VAV2: variants seen among roughly 807,000 people sequenced by gnomAD.
VAV2 encodes vav guanine nucleotide exchange factor 2.
VAV2 carries 67 observed loss-of-function variants against 132.5 expected under a neutral mutation model. The ratio of observed to expected loss-of-function variants is 0.51; its 90% confidence interval spans 0.42 to 0.62. The LOEUF (loss-of-function observed/expected upper bound fraction) is 0.62, where lower values mean the gene tolerates loss of function less well. VAV2 is among the 20% of genes least tolerant of loss of function. The probability of loss-of-function intolerance (pLI) is 0.00; values close to 1 mark genes in which losing one functional copy is unlikely to be tolerated. For missense variants in VAV2, 938 were observed against 1,153.6 expected (o/e 0.81, Z 2.71); for synonymous variants, 492 against 443.5 (o/e 1.11, Z -1.37).
At chr9:133,940,340 C>A (rs1222985778) in intron 1 of VAV2, among the ~76,000 whole-genome samples, 1 of 152,178 alleles carries the variant, frequency 6.6e-6, no homozygotes, top group Non-Finnish European at 1.5e-5. Flanking sequence ...AATAACCGTC[C>A]CCTATGGACA....
At chr9:133,818,160 C>G (rs534550821) in intron 4 of VAV2, among the ~76,000 whole-genome samples, 12 of 152,036 alleles carry the variant, frequency 7.9e-5, no homozygotes, top group Non-Finnish European at 1.5e-4. Flanking sequence ...GTCAGGAGAT[C>G]GAGACCATCC....
At chr9:133,984,907 CA>C (rs35866348) in intron 1 of VAV2, among the ~76,000 whole-genome samples, 8,079 of 128,620 alleles carry the variant, frequency 0.063, 260 homozygotes, top group African/African-American at 0.11. Flanking sequence ...GGCCCTATCT[CA>C]AAAAAAAAAA....
At chr9:133,943,240 A>G (rs1232463807) in intron 1 of VAV2, among the ~76,000 whole-genome samples, 2 of 152,182 alleles carry the variant, frequency 1.3e-5, no homozygotes, top group Non-Finnish European at 2.9e-5. Context: ...CAGAGCCTCA[A>G]GGTCCAGGTT....
intron 12 of VAV2, among the ~76,000 whole-genome samples, chr9:133,792,683 C>CCCCCCA (rs1554774414): frequency 1.6e-5 from 2 of 127,872 alleles, no homozygotes; most frequent in Admixed American, 7.9e-5. Context: ...AAGGGACCCC[C>CCCCCCA]CCCCCCACCC....
At chr9:133,877,755 C>T (rs1838317958) in intron 2 of VAV2, among the ~76,000 whole-genome samples, 1 of 152,172 alleles carries the variant, frequency 6.6e-6, no homozygotes, top group Non-Finnish European at 1.5e-5. Context: ...GATGGGTTTC[C>T]AGTGGCTTCA....
chr9:133,963,186 C>T lies in VAV2; in HGVS notation c.205-23967G>A, dbSNP rs997908570. 4.6e-4 allele frequency among the ~76,000 whole-genome samples: 70 copies of T among 152,178 alleles called. 1 individual carries two copies. The highest frequency in any genetic ancestry group is 1.8e-3 in the Admixed American group (27 of 15,272). On this transcript the variant is annotated intron_variant, in intron 1 of 29. Transcript: ENST00000371850. ...CGAAGCTACAAGAGCTTCCCCAGGA[C>T]CCAGCACCAGGAGGCTCTGTGAAGA...
chr9:133,797,840 C>T, intron 9 of VAV2, 31 bp from the exon 10 acceptor site: 1 of 1,605,496 alleles, frequency 6.2e-7, no homozygotes. Flanking sequence ...CACACACGCA[C>T]ACAGATTTAA....
chr9:133,905,004 T>C (rs1009672203), intron 2 of VAV2, among the ~76,000 whole-genome samples: 1 of 152,034 alleles, frequency 6.6e-6, no homozygotes, highest in African/African-American at 2.4e-5. Context: ...AGAGGGTGCA[T>C]CTTGTGGCTT....
chr9:133,923,480 AAGTC>A (rs1840365301), intron 2 of VAV2, among the ~76,000 whole-genome samples: 1 of 152,244 alleles, frequency 6.6e-6, no homozygotes, highest in Non-Finnish European at 1.5e-5. Context: ...GATCATTAAA[AAGTC>A]AGGAAACAAT....
chr9:133,869,232 C>A (rs1175740813), intron 2 of VAV2, among the ~76,000 whole-genome samples: 4 of 152,086 alleles, frequency 2.6e-5, no homozygotes, highest in Non-Finnish European at 2.9e-5. Context: ...AGGTGATCCG[C>A]CCACCTCGGC....
chr9:133,775,097 T>C, intron 24 of VAV2, 46 bp from the exon 25 acceptor site: 1 of 1,526,240 alleles, frequency 6.6e-7, no homozygotes, highest in Non-Finnish European at 8.9e-7. Context: ...GTGAGGACAG[T>C]GTCTGAGGGG....
At chr9:133,786,293 G>A (rs898291731) in intron 16 of VAV2, among the ~76,000 whole-genome samples, 2 of 152,190 alleles carry the variant, frequency 1.3e-5, no homozygotes, top group Non-Finnish European at 2.9e-5. Flanking sequence ...TGTCCCTGCA[G>A]GTACACACAT....
At chr9:133,929,076 G>C (rs964010849) in intron 2 of VAV2, among the ~76,000 whole-genome samples, 7 of 152,176 alleles carry the variant, frequency 4.6e-5, no homozygotes, top group Non-Finnish European at 1.0e-4. Flanking sequence ...CAAATCTTTA[G>C]ACCCATTTTA....
chr9:133,775,644 C>T (rs1833785703), intron 24 of VAV2, among the ~76,000 whole-genome samples: 1 of 152,236 alleles, frequency 6.6e-6, no homozygotes, highest in Non-Finnish European at 1.5e-5. Flanking sequence ...TCTGTGATTT[C>T]AAACAGCCTC....
rs1834311079 is a variant in VAV2, at chr9:133,788,243, C to CCCCCCCA, written c.1407+110_1407+111insTGGGGGG. On this transcript the variant is annotated intron_variant, in intron 15 of 29. Coordinates refer to ENST00000371850, the MANE Select transcript of VAV2 (RefSeq NM_001134398.2). The surrounding 1 kb of genome is among the most constrained non-coding windows in gnomAD (Gnocchi z 5.3). ...AGACGCCCACCCCAACCCACCCGGC[C>CCCCCCCA]AGCATCAGCGGCTGACTTCGAGTCC... 2.3e-6 allele frequency: 3 copies of CCCCCCCA among 1,310,484 alleles called. No homozygotes were observed. The highest frequency in any genetic ancestry group is 2.5e-5 in the East Asian group (1 of 39,490). 81.2% of individuals were successfully genotyped at this position (1,310,484 alleles called of 1,614,324 possible).
At chr9:133,803,348 G>A (rs540124186) in intron 9 of VAV2, among the ~76,000 whole-genome samples, 31 of 152,216 alleles carry the variant, frequency 2.0e-4, no homozygotes, top group Non-Finnish European at 4.4e-4. Flanking sequence ...CCCCGAGGTC[G>A]TTCCCTTTCT....
Position 133,840,090 on chromosome 9 carries a change from G to C in VAV2, c.381-5750C>G, listed in dbSNP as rs895704310. Among the ~76,000 whole-genome samples, 3 of 152,132 alleles carry C rather than the reference G, an allele frequency of 2.0e-5. No homozygotes were observed. Among genetic ancestry groups the C allele is most frequent in the Admixed American group, 6.5e-5 (1 of 15,280 alleles). Reference sequence around the variant, plus strand: ...CTTGCCCTGTGGCGTTGCCTTGCTCGTTAAGAGCAGGGAATGAGAAGCAGA... The same window carrying C: ...CTTGCCCTGTGGCGTTGCCTTGCTCCTTAAGAGCAGGGAATGAGAAGCAGA... On this transcript the variant is annotated intron_variant, in intron 3 of 29. Transcript: ENST00000371850. The surrounding 1 kb of genome is among the most constrained non-coding windows in gnomAD (Gnocchi z 4.5).
rs533569490 is a variant in VAV2 at position 133,774,728 on chromosome 9, G to A, written c.2135+207C>T. ...AGTGATGTAAGCATGGACCATCTGT[G>A]CATGCCAGGGGTTCAGGCCCTGCCC... On this transcript the variant is annotated intron_variant, in intron 25 of 29. Coordinates refer to ENST00000371850, the MANE Select transcript of VAV2 (RefSeq NM_001134398.2). 4.6e-4 allele frequency among the ~76,000 whole-genome samples: 70 copies of A among 152,318 alleles called. 1 individual carries two copies. The highest frequency in any genetic ancestry group is 5.9e-4 in the Admixed American group (9 of 15,300).
chr9:133,812,654 C>A (rs1165572842), intron 4 of VAV2, among the ~76,000 whole-genome samples: 1 of 152,170 alleles, frequency 6.6e-6, no homozygotes, highest in Non-Finnish European at 1.5e-5. Context: ...GACCTGAGTG[C>A]TTCCGGCTCA....
Sources: gnomAD v4.1 joint callset for allele counts (sites outside exome capture counted in the v4.1 genomes callset) on GRCh38, gnomAD v4.1.1 for gene constraint, Gnocchi (gnomAD v3.1) non-coding constraint, MANE v1.5 for transcripts, NCBI Gene and HGNC (gene_info 2026-07-23, HGNC 2026-07-21) for gene names.